Variants in FHIP1A observed in about 807,000 individuals in gnomAD.
FHIP1A encodes FHF complex subunit HOOK-interacting protein 1A.
A neutral mutation model predicts 88.6 loss-of-function variants in FHIP1A; 61 were observed. The observed-to-expected ratio is 0.69, with a 90% CI of 0.56 to 0.85. The LOEUF (loss-of-function observed/expected upper bound fraction) is 0.85. Ranked by LOEUF, FHIP1A falls within the 40% of genes least tolerant of loss-of-function variation. FHIP1A has a pLI of 0.00. For missense variants in FHIP1A, 1,154 were observed against 1,273.5 expected, an observed-to-expected ratio of 0.91 and a Z score of 1.43; for synonymous variants, 478 against 496.0, an observed-to-expected ratio of 0.96 and a Z score of 0.48.
chr4:151,568,601 G>A (rs1283760340), intron 4 of FHIP1A, among the ~76,000 whole-genome samples: 1 of 152,140 alleles, frequency 6.6e-6, no homozygotes, highest in Non-Finnish European at 1.5e-5. Context: ...GGCATCACAC[G>A]TGGGACTTGA....
In FHIP1A at chr4:151,566,155, T is replaced by C. The variant is rs1466975237; in HGVS notation, c.-105T>C. The C allele has an allele frequency of 3.3e-6, 2 of 606,740 alleles. No individual in the cohort carries two copies. Among genetic ancestry groups the C allele is most frequent in the Non-Finnish European group, 5.6e-6 (2 of 354,328 alleles). The allele number at this position is 606,740 out of a possible 1,614,324, so 37.6% of individuals were successfully genotyped here. A position where few individuals can be genotyped will look rare whatever the true frequency, so the allele number is the denominator to read the frequency against. On this transcript the variant is annotated 5_prime_UTR_variant, in exon 4 of 14. An upstream start codon of the reference 5' UTR is lost. Coordinates refer to ENST00000435205, the MANE Select transcript of FHIP1A (RefSeq NM_001109977.3). ...CATTACAGGTTTTGGAAGGTGACAA[T>C]GAAATGTGAAGAAGTTACATTTCTC... is the stretch of plus-strand genomic sequence containing the variant.
intron 7 of FHIP1A, among the ~76,000 whole-genome samples, chr4:151,617,171 G>A (rs1469262431): frequency 6.6e-6 from 1 of 152,194 alleles, no homozygotes; most frequent in African/African-American, 2.4e-5. Flanking sequence ...TATATGGGGA[G>A]TCAGAGAGAG....
At chr4:151,517,676 A>T (rs1190160159) in intron 3 of FHIP1A, among the ~76,000 whole-genome samples, 1 of 152,096 alleles carries the variant, frequency 6.6e-6, no homozygotes, top group Non-Finnish European at 1.5e-5. Context: ...GTCCCCTAAG[A>T]TTATAATGGA....
chr4:151,459,552 T>C (rs1321498637), intron 2 of FHIP1A, among the ~76,000 whole-genome samples: 1 of 152,228 alleles, frequency 6.6e-6, no homozygotes, highest in Non-Finnish European at 1.5e-5. Context: ...CACCTGACTT[T>C]GCAGCGTTTC....
chr4:151,425,833 C>A (rs1580549583), intron 1 of FHIP1A, among the ~76,000 whole-genome samples: 1 of 152,234 alleles, frequency 6.6e-6, no homozygotes, highest in Non-Finnish European at 1.5e-5. Flanking sequence ...GTGTCCCTGT[C>A]TAATTTCTTT....
chr4:151,618,572 G>T lies in FHIP1A; in HGVS notation c.979-11130G>T, dbSNP rs1735628624. On this transcript the variant is annotated intron_variant, in intron 7 of 13. Coordinates refer to ENST00000435205, the MANE Select transcript of FHIP1A (RefSeq NM_001109977.3). ...CAAAGTGCTTTTCTATTATCCTGTA[G>T]ATCCTCACTTCTTTATGTGCTCGCC... is the stretch of plus-strand genomic sequence containing the variant. 2.6e-5 allele frequency among the ~76,000 whole-genome samples: 4 copies of T among 152,284 alleles called. No individual in the cohort carries two copies. In the South Asian group the frequency reaches 8.3e-4, roughly 32 times the overall value.
chr4:151,454,398 A>T (rs1388595830), intron 1 of FHIP1A, among the ~76,000 whole-genome samples: 2 of 152,176 alleles, frequency 1.3e-5, no homozygotes, highest in East Asian at 3.8e-4. Flanking sequence ...ACACAGAACA[A>T]GCTATGCCAA....
intron 2 of FHIP1A, among the ~76,000 whole-genome samples, chr4:151,468,090 C>A (rs1729387381): frequency 6.6e-6 from 1 of 151,406 alleles, no homozygotes; most frequent in Non-Finnish European, 1.5e-5. Flanking sequence ...TGAGACCGTC[C>A]TGGCTAACGC....
chr4:151,441,027 G>T (rs1323254237), intron 1 of FHIP1A, among the ~76,000 whole-genome samples: 1 of 151,976 alleles, frequency 6.6e-6, no homozygotes, highest in African/African-American at 2.4e-5. Flanking sequence ...AATTGACTAC[G>T]CCAGCTTCTC....
chr4:151,431,119 T>G (rs1394041144), intron 1 of FHIP1A, among the ~76,000 whole-genome samples: 1 of 152,228 alleles, frequency 6.6e-6, no homozygotes, highest in Non-Finnish European at 1.5e-5. Flanking sequence ...ATAAATATCT[T>G]CTTTAGCAGG....
intron 5 of FHIP1A, among the ~76,000 whole-genome samples, chr4:151,585,268 C>T (rs569892376): frequency 6.6e-6 from 1 of 152,196 alleles, no homozygotes; most frequent in African/African-American, 2.4e-5. Context: ...ACCTCCGCCT[C>T]CCAGGCTCAA....
rs1737698807 is a variant in FHIP1A, at chr4:151,667,271, C to A, written c.*4517C>A. On this transcript the variant is annotated 3_prime_UTR_variant, in exon 14 of 14. Transcript: ENST00000435205. ...GCTTCAGCCATCAGTCTATAAATAA[C>A]ACAACACTAATTTTCCATCAAGTAA... 1 of 152,212 alleles carries A rather than the reference C, an allele frequency of 6.6e-6. No individual in the cohort carries two copies. Among genetic ancestry groups the A allele is most frequent in the South Asian group, 2.1e-4 (1 of 4,824 alleles). 9.4% of individuals were successfully genotyped at this position (152,212 alleles called of 1,614,324 possible).
intron 1 of FHIP1A, among the ~76,000 whole-genome samples, chr4:151,422,341 TTGAA>T (rs1191437293): frequency 6.6e-6 from 1 of 152,016 alleles, no homozygotes; most frequent in Non-Finnish European, 1.5e-5. Flanking sequence ...TAAATATTTG[TTGAA>T]TTGAGTTTGG....
intron 2 of FHIP1A, among the ~76,000 whole-genome samples, chr4:151,478,066 A>T (rs910042907): frequency 6.6e-6 from 1 of 152,162 alleles, no homozygotes; most frequent in Non-Finnish European, 1.5e-5. Context: ...AAAGTTATTA[A>T]TTGTAGTAGT....
chr4:151,640,943 T>C (rs1736565010), intron 9 of FHIP1A, among the ~76,000 whole-genome samples: 1 of 152,120 alleles, frequency 6.6e-6, no homozygotes, highest in South Asian at 2.1e-4. Context: ...AGCTCATGGT[T>C]GAAATACATA....
intron 2 of FHIP1A, among the ~76,000 whole-genome samples, chr4:151,474,864 T>G (rs1729644542): frequency 6.6e-6 from 1 of 152,164 alleles, no homozygotes; most frequent in African/African-American, 2.4e-5. Context: ...TCCAGGGAAT[T>G]CTTTGGAGGC....
At chr4:151,584,263 C>T (rs1734126679) in intron 5 of FHIP1A, among the ~76,000 whole-genome samples, 1 of 152,042 alleles carries the variant, frequency 6.6e-6, no homozygotes, top group Non-Finnish European at 1.5e-5. Context: ...ACAAATCATC[C>T]ATACCTCCAG....
At chr4:151,413,841 TC>T (rs1180166228) in intron 1 of FHIP1A, among the ~76,000 whole-genome samples, 1 of 152,164 alleles carries the variant, frequency 6.6e-6, no homozygotes, top group African/African-American at 2.4e-5. Flanking sequence ...AATTATGTAT[TC>T]CCAGTTCTTC....
chr4:151,494,955 T>C (rs537718259), intron 3 of FHIP1A, among the ~76,000 whole-genome samples: 1 of 152,216 alleles, frequency 6.6e-6, no homozygotes, highest in Non-Finnish European at 1.5e-5. Flanking sequence ...TGAATGGCAT[T>C]GTATTCTTGC....
Sources: allele counts gnomAD v4.1 joint callset (sites outside exome capture counted in the v4.1 genomes callset), GRCh38; gene constraint gnomAD v4.1.1; transcripts MANE v1.5; gene names NCBI Gene and HGNC (gene_info 2026-07-23, HGNC 2026-07-21).